Variants in TAOK3 observed in about 807,000 individuals in gnomAD.
The protein encoded by TAOK3 is serine/threonine-protein kinase TAO3.
In TAOK3, 40 loss-of-function variants were observed where a neutral mutation model predicts 120.4. That is an observed-to-expected ratio of 0.33 (90% CI 0.26 to 0.43). TAOK3 has a LOEUF of 0.43. Among genes scored for constraint, TAOK3 ranks in the 20% least tolerant of loss-of-function variants. TAOK3 has a pLI of 1.00. For synonymous variants in TAOK3, 355 were observed against 387.5 expected, an observed-to-expected ratio of 0.92 and a Z score of 0.99; for missense variants, 821 against 1,112.1, an observed-to-expected ratio of 0.74 and a Z score of 3.72.
intron 3 of TAOK3, among the ~76,000 whole-genome samples, chr12:118,254,915 G>A (rs1443236255): frequency 6.6e-6 from 1 of 152,002 alleles, no homozygotes; most frequent in African/African-American, 2.4e-5. Context: ...CTGCCACCAC[G>A]CCTGGCTAAT....
At chr12:118,234,223 T>TTTTA (rs1419988102) in intron 8 of TAOK3, among the ~76,000 whole-genome samples, 7 of 60,802 alleles carry the variant, frequency 1.2e-4, no homozygotes, top group Non-Finnish European at 2.1e-4. Flanking sequence ...TTTTTTTTTT[T>TTTTA]TTTTTTTTTT....
intron 11 of TAOK3, among the ~76,000 whole-genome samples, chr12:118,204,131 G>A (rs2038173190): frequency 6.6e-6 from 1 of 152,062 alleles, no homozygotes; most frequent in Non-Finnish European, 1.5e-5. Flanking sequence ...GCTGGGCATT[G>A]TGATGCATGC....
chr12:118,254,214 G>A (rs187743846), intron 3 of TAOK3, among the ~76,000 whole-genome samples: 10 of 152,226 alleles, frequency 6.6e-5, no homozygotes, highest in South Asian at 6.2e-4. Flanking sequence ...CCCCTTAAAC[G>A]AAAATACTGA....
intron 11 of TAOK3, among the ~76,000 whole-genome samples, chr12:118,206,463 G>T (rs1212146737): frequency 6.6e-6 from 1 of 152,064 alleles, no homozygotes; most frequent in Non-Finnish European, 1.5e-5. Flanking sequence ...TCTAGTCATT[G>T]CTACTCCTCC....
chr12:118,268,103 A>G (rs888780000), intron 1 of TAOK3, among the ~76,000 whole-genome samples: 1 of 152,190 alleles, frequency 6.6e-6, no homozygotes, highest in Non-Finnish European at 1.5e-5. Context: ...CACAAAGGTC[A>G]TTTTAATGAC....
At chr12:118,163,306 T>C (rs930243515) in intron 17 of TAOK3, among the ~76,000 whole-genome samples, 5 of 152,240 alleles carry the variant, frequency 3.3e-5, no homozygotes, top group Admixed American at 6.5e-5. Flanking sequence ...TAGGTCTAGC[T>C]GTATTACTGC....
chr12:118,169,990 G>A (rs2035898796), intron 17 of TAOK3, among the ~76,000 whole-genome samples: 1 of 152,134 alleles, frequency 6.6e-6, no homozygotes, highest in South Asian at 2.1e-4. Flanking sequence ...CAAAGTGCTG[G>A]GATTACAGGA....
chr12:118,229,569 C>A (rs2039668785), intron 9 of TAOK3, among the ~76,000 whole-genome samples: 1 of 152,084 alleles, frequency 6.6e-6, no homozygotes, highest in Non-Finnish European at 1.5e-5. Flanking sequence ...TGATATTTAT[C>A]ATTATGTTTT....
chr12:118,319,256 AC>A (rs1451425164), intron 1 of TAOK3, among the ~76,000 whole-genome samples: 1 of 152,128 alleles, frequency 6.6e-6, no homozygotes, highest in Non-Finnish European at 1.5e-5. Flanking sequence ...AAAGCAAAAA[AC>A]CCCTCAACAA....
At position 118,270,594 on chromosome 12, in the gene TAOK3, T is replaced by A. The variant is rs186610988; in HGVS notation, c.-193-3835A>T. Reference sequence around the variant, plus strand: ...TATACTTTGTATTTCACTTCTCACTTGGTCTTTGTCTAAGTTGTGTCCTCT... The same window carrying A: ...TATACTTTGTATTTCACTTCTCACTAGGTCTTTGTCTAAGTTGTGTCCTCT... On this transcript the variant is annotated intron_variant, in intron 1 of 20. Coordinates refer to ENST00000392533, the MANE Select transcript of TAOK3 (RefSeq NM_016281.4). 3.6e-4 allele frequency among the ~76,000 whole-genome samples: 55 copies of A among 152,184 alleles called. 1 individual carries two copies. The highest frequency in any genetic ancestry group is 2.2e-4 in the Non-Finnish European group (15 of 68,000).
At chr12:118,243,238 T>C (rs946906129) in intron 5 of TAOK3, among the ~76,000 whole-genome samples, 177 bp downstream of exon 5, 1 of 152,148 alleles carries the variant, frequency 6.6e-6, no homozygotes, top group Non-Finnish European at 1.5e-5. Flanking sequence ...TATCATTTAA[T>C]CTTACAGAAT....
At chr12:118,193,381 C>T (rs114126414) in intron 13 of TAOK3, among the ~76,000 whole-genome samples, 1 of 152,064 alleles carries the variant, frequency 6.6e-6, no homozygotes, top group African/African-American at 2.4e-5. Context: ...AAATAAATTT[C>T]TTCAGATTAA....
chr12:118,293,812 G>A (rs774700273), intron 1 of TAOK3, among the ~76,000 whole-genome samples: 25 of 151,796 alleles, frequency 1.6e-4, no homozygotes, highest in Non-Finnish European at 4.4e-5. Context: ...CTGGGAGTTC[G>A]AGACCAGCCT....
chr12:118,152,834 A>G (rs1191355931), intron 19 of TAOK3: 1 of 158,390 alleles, frequency 6.3e-6, no homozygotes, highest in Non-Finnish European at 1.4e-5. Context: ...ATTAAATGAA[A>G]GAATTAATAT....
intron 1 of TAOK3, among the ~76,000 whole-genome samples, chr12:118,338,557 G>T (rs1327452130): frequency 6.6e-6 from 1 of 151,930 alleles, no homozygotes; most frequent in Admixed American, 6.5e-5. Flanking sequence ...GGAGGCCGAG[G>T]TGGGCGGATC....
chr12:118,319,430 T>C lies in TAOK3; in HGVS notation c.-193-52671A>G, dbSNP rs188036901. On this transcript the variant is annotated intron_variant, in intron 1 of 20. Coordinates refer to ENST00000392533, the MANE Select transcript of TAOK3 (RefSeq NM_016281.4). The stretch of plus-strand genomic sequence containing the variant: ...ATTTAGATAATCTAAAATTGTTTTA[T>C]TAGAAACCTGATAATAATCTACAAC... Among the ~76,000 whole-genome samples, 245 of 152,254 alleles carry C rather than the reference T, an allele frequency of 1.6e-3. 3 individuals are homozygous for C. The highest frequency in any genetic ancestry group is 7.5e-4 in the Non-Finnish European group (51 of 68,010).
chr12:118,255,500 A>G lies in TAOK3; in HGVS notation c.68T>C (p.Leu23Pro). Residue 23 changes from leucine to proline, a missense_variant, in exon 3 of 21, where the codon CTT (leucine) becomes CCT (proline). Physicochemically the swap from Leu to Pro is moderately conservative, Grantham distance 98. Coordinates refer to ENST00000392533, the MANE Select transcript of TAOK3 (RefSeq NM_016281.4). The stretch of plus-strand genomic sequence containing the variant: ...TCCAATTTCATGCAAACCAATAAAA[A>G]GTTCCTCAGGATCATCTTTGTAGAA... ...DLFYKDDPEE[L>P]FIGLHEIGHG... 2 of 1,614,196 alleles carry G rather than the reference A, an allele frequency of 1.2e-6. No homozygotes were observed. The highest frequency in any genetic ancestry group is 1.7e-6 in the Non-Finnish European group (2 of 1,180,034).
chr12:118,159,815 A>C, intron 19 of TAOK3: 1 of 341,644 alleles, frequency 2.9e-6, no homozygotes, highest in South Asian at 3.0e-5. Flanking sequence ...TTTGTGCCTG[A>C]TATTAGTTGC....
At chr12:118,341,152 G>A (rs1181108429) in intron 1 of TAOK3, among the ~76,000 whole-genome samples, 3 of 151,792 alleles carry the variant, frequency 2.0e-5, no homozygotes, top group South Asian at 2.1e-4. Context: ...GGCACCTGCC[G>A]CCATGCCTGG....
Sources: gnomAD v4.1 joint callset for allele counts (sites outside exome capture counted in the v4.1 genomes callset) on GRCh38, gnomAD v4.1.1 for gene constraint, MANE v1.5 for transcripts, NCBI Gene and HGNC (gene_info 2026-07-23, HGNC 2026-07-21) for gene names.